The following ESRRG variants were observed in gnomAD, a reference collection of about 807,000 sequenced individuals.
ESRRG encodes the protein estrogen-related receptor gamma.
In ESRRG, 13 loss-of-function variants were observed where a neutral mutation model predicts 44.0. The ratio of observed to expected loss-of-function variants is 0.30; its 90% CI spans 0.19 to 0.47. The LOEUF is 0.47. Ranked by LOEUF, ESRRG falls within the 20% of genes least tolerant of loss-of-function variation. The pLI is 1.00. For missense variants in ESRRG, 395 were observed against 580.6 expected (o/e 0.68, Z 3.29); for synonymous variants, 215 against 214.6 (o/e 1.00, Z -0.02).
intron 2 of ESRRG, among the ~76,000 whole-genome samples, chr1:216,810,553 A>G (rs1339358): frequency 0.93 from 137,972 of 147,596 alleles, 64,634 homozygotes; most frequent in Middle Eastern, 0.98. Context: ...AAGTAATAGA[A>G]GGCAGAATAT....
intron 1 of ESRRG, among the ~76,000 whole-genome samples, chr1:216,980,185 C>A (rs543860295): frequency 1.5e-4 from 23 of 152,240 alleles, no homozygotes; most frequent in African/African-American, 5.3e-4. Flanking sequence ...TTAATGCTTG[C>A]GTTCCATGTT....
chr1:216,886,187 A>C (rs1043583205), intron 2 of ESRRG, among the ~76,000 whole-genome samples: 2 of 152,164 alleles, frequency 1.3e-5, no homozygotes, highest in Admixed American at 1.3e-4. Context: ...TGCTGCAGCC[A>C]ACCTGAACTA....
chr1:216,516,290 CAT>C (rs2044241505), intron 6 of ESRRG, among the ~76,000 whole-genome samples: 1 of 152,034 alleles, frequency 6.6e-6, no homozygotes, highest in Admixed American at 6.6e-5. Flanking sequence ...CAGTTCATGA[CAT>C]ATTGTTGTTT....
At chr1:216,914,035 T>A (rs1169289151) in intron 2 of ESRRG, among the ~76,000 whole-genome samples, 2 of 152,184 alleles carry the variant, frequency 1.3e-5, no homozygotes, top group African/African-American at 4.8e-5. Context: ...GAAAAGTTCA[T>A]TCCAGTAGGT....
At chr1:216,917,695 A>G (rs1234622669) in intron 2 of ESRRG, among the ~76,000 whole-genome samples, 1 of 152,226 alleles carries the variant, frequency 6.6e-6, no homozygotes. Context: ...TACCTAGTAC[A>G]GAACCTGGCA....
rs367740202 is a variant in ESRRG at position 216,812,299 on chromosome 1, G to C, written c.-14+127283C>G. Among the ~76,000 whole-genome samples the C allele has an allele frequency of 1.3e-4, 20 of 152,090 alleles. 1 individual carries two copies. The highest frequency in any genetic ancestry group is 3.9e-4 in the Admixed American group (6 of 15,266). Reference sequence around the variant, plus strand: ...AATTTGAAAGAATAGGGAAATTTTTGCTTTTATTGAACAACCATAAGTAGA... The same window carrying C: ...AATTTGAAAGAATAGGGAAATTTTTCCTTTTATTGAACAACCATAAGTAGA... On this transcript the variant is annotated intron_variant, in intron 2 of 7. Transcript: ENST00000359162.
In ESRRG at chr1:217,076,241, G is replaced by A. The variant is rs114502100; in HGVS notation, c.-106+13266C>T. On this transcript the variant is annotated intron_variant, in intron 1 of 7. Coordinates refer to the ESRRG transcript ENST00000359162. ...TGAGCATCTTCATTCCTGCATGCAT[G>A]CTGTGTACTGACTAGATCCACCTCC... Among the ~76,000 whole-genome samples the A allele has an allele frequency of 5.6e-3, 852 of 152,206 alleles. 9 individuals carry two copies. The highest frequency in any genetic ancestry group is 0.019 in the African/African-American group (809 of 41,508).
intron 3 of ESRRG, among the ~76,000 whole-genome samples, chr1:216,570,113 G>C (rs1036773153): frequency 6.6e-6 from 1 of 152,120 alleles, no homozygotes; most frequent in Non-Finnish European, 1.5e-5. Context: ...TACTTTAAGC[G>C]TTGATTATCT....
At chr1:216,927,339 G>A (rs2062727272) in intron 2 of ESRRG, among the ~76,000 whole-genome samples, 1 of 152,156 alleles carries the variant, frequency 6.6e-6, no homozygotes, top group East Asian at 1.9e-4. Flanking sequence ...TAGACTACAA[G>A]GGAGGGAGCC....
intron 1 of ESRRG, among the ~76,000 whole-genome samples, chr1:217,081,385 G>A (rs961647116): frequency 2.6e-5 from 4 of 151,196 alleles, no homozygotes; most frequent in East Asian, 2.0e-4. Context: ...GAGCCACCAC[G>A]CCCAGCTGAT....
At chr1:216,882,340 G>A (rs1349299844) in intron 2 of ESRRG, among the ~76,000 whole-genome samples, 1 of 152,168 alleles carries the variant, frequency 6.6e-6, no homozygotes, top group African/African-American at 2.4e-5. Context: ...TCTGAACAAG[G>A]TGTAAATTCC....
chr1:216,976,592 C>G (rs913935930), intron 1 of ESRRG, among the ~76,000 whole-genome samples: 1 of 152,128 alleles, frequency 6.6e-6, no homozygotes, highest in Non-Finnish European at 1.5e-5. Context: ...TGCTAAACAC[C>G]TCTTAATTAG....
intron 2 of ESRRG, among the ~76,000 whole-genome samples, chr1:216,662,472 C>T (rs1286141400): frequency 1.3e-5 from 2 of 152,122 alleles, no homozygotes; most frequent in Admixed American, 1.3e-4. Context: ...GCCCAGAAAA[C>T]AATGGAAGCT....
intron 1 of ESRRG, among the ~76,000 whole-genome samples, chr1:217,071,918 G>A (rs1210589200): frequency 6.6e-6 from 1 of 152,158 alleles, no homozygotes; most frequent in Non-Finnish European, 1.5e-5. Context: ...GAGCTATGAT[G>A]TAAAGCATTT....
chr1:216,999,361 A>T (rs753867659), intron 1 of ESRRG, among the ~76,000 whole-genome samples: 48 of 152,238 alleles, frequency 3.2e-4, no homozygotes, highest in Non-Finnish European at 6.0e-4. Context: ...GCCACTCTTT[A>T]TCAAGCACAT....
intron 1 of ESRRG, among the ~76,000 whole-genome samples, chr1:217,061,530 G>A (rs1382682387): frequency 1.3e-5 from 2 of 151,986 alleles, no homozygotes; most frequent in East Asian, 1.9e-4. Context: ...CTATAGAAGA[G>A]GTAAGCCCAA....
At chr1:216,956,244 C>A (rs2067931328) in intron 1 of ESRRG, among the ~76,000 whole-genome samples, 2 of 152,154 alleles carry the variant, frequency 1.3e-5, no homozygotes, top group South Asian at 4.1e-4. Flanking sequence ...GATACAGTTT[C>A]AATCTTCTGC....
At chr1:216,967,148 A>G (rs1011660935) in intron 1 of ESRRG, among the ~76,000 whole-genome samples, 16 of 151,576 alleles carry the variant, frequency 1.1e-4, no homozygotes, top group Non-Finnish European at 1.8e-4. Flanking sequence ...TCGCCTACCT[A>G]CCCTCCACAT....
At chr1:216,545,226 T>C (rs939557624) in intron 5 of ESRRG, among the ~76,000 whole-genome samples, 4 of 144,682 alleles carry the variant, frequency 2.8e-5, no homozygotes, top group African/African-American at 1.0e-4. Flanking sequence ...TTTTTAATTT[T>C]TATGTTTTTT....
Sources: gnomAD v4.1 joint callset for allele counts (sites outside exome capture counted in the v4.1 genomes callset) on GRCh38, gnomAD v4.1.1 for gene constraint, MANE v1.5 for transcripts, NCBI Gene and HGNC (gene_info 2026-07-23, HGNC 2026-07-21) for gene names.